The following ADGRG1 variants were observed in gnomAD, a reference collection of about 807,000 sequenced individuals.
ADGRG1 encodes adhesion G protein-coupled receptor G1.
In ADGRG1, 53 loss-of-function variants were observed where a neutral mutation model predicts 73.5. The ratio of observed to expected loss-of-function variants is 0.72; its 90% confidence interval spans 0.58 to 0.91. ADGRG1 has a LOEUF of 0.91. Among genes scored for constraint, ADGRG1 ranks in the 40% least tolerant of loss-of-function variants. The pLI is 0.00. For synonymous variants in ADGRG1, 394 were observed against 374.4 expected (o/e 1.05, Z -0.60); for missense variants, 795 against 871.8 (o/e 0.91, Z 1.11).
intron 1 of ADGRG1, chr16:57,643,602 G>C (rs3785325): frequency 0.43 from 425,132 of 983,512 alleles, 95,655 homozygotes; most frequent in African/African-American, 0.74. Context: ...AGAGTGTGAG[G>C]CTCACCCTGG....
At chr16:57,659,378 C>G in intron 10 of ADGRG1, 35 bp from the exon 11 acceptor site, 1 of 1,612,876 alleles carries the variant, frequency 6.2e-7, no homozygotes, top group Non-Finnish European at 8.5e-7. Flanking sequence ...CTCTACCTTC[C>G]CACACTGGCC....
At chr16:57,620,433 G>A (rs1426550813), upstream of ADGRG1, among the ~76,000 whole-genome samples, 1 of 152,212 alleles carries the variant, frequency 6.6e-6, no homozygotes, top group Non-Finnish European at 1.5e-5. Flanking sequence ...GACACTGCAG[G>A]ACGCAGGGCA....
At chr16:57,662,386 A>G (rs2047377573) in intron 13 of ADGRG1, among the ~76,000 whole-genome samples, 2 of 150,210 alleles carry the variant, frequency 1.3e-5, no homozygotes, top group South Asian at 4.2e-4. Context: ...GTGTGAAGAC[A>G]AGAGAAGGAT....
At chr16:57,635,680 C>T in intron 1 of ADGRG1, 1 of 985,126 alleles carries the variant, frequency 1.0e-6, no homozygotes, top group African/African-American at 1.7e-5. Context: ...CCCTGTGGCT[C>T]AGCCCCTCTG....
In ADGRG1 at chr16:57,661,752, CTGG is replaced by C; in HGVS notation, c.1723_1725del (p.Val575del). ...CATCACCAACCTGGGCCTCTTCAGC[CTGG>C]TGTTTCTGTTCAACATGGCCATGCT... On this transcript the variant is annotated inframe_deletion, in exon 13 of 14. Coordinates refer to ENST00000562631, the MANE Select transcript of ADGRG1 (RefSeq NM_201525.4). 6.2e-7 allele frequency: 1 copy of C among 1,614,218 alleles called. No individual in the cohort carries two copies. The highest frequency in any genetic ancestry group is 8.5e-7 in the Non-Finnish European group (1 of 1,180,018).
intron 1 of ADGRG1, chr16:57,648,579 C>A: frequency 5.1e-6 from 5 of 984,540 alleles, no homozygotes; most frequent in Non-Finnish European, 6.0e-6. Context: ...TGAGCTCCTG[C>A]CTGGGACACC....
chr16:57,620,943 G>C (rs553819601), exon 1 of ADGRG1: 2 of 152,316 alleles, frequency 1.3e-5, no homozygotes, highest in Admixed American at 1.3e-4. Flanking sequence ...TTCCCTGTCT[G>C]TTCCATGAAG....
At chr16:57,626,451 G>A, upstream of ADGRG1, 1 of 273,784 alleles carries the variant, frequency 3.7e-6, no homozygotes. Context: ...TGAGAACCAG[G>A]CTTGTCTCTC....
chr16:57,636,693 G>C (rs1376040), intron 1 of ADGRG1: 334,535 of 984,346 alleles, frequency 0.34, 57,165 homozygotes, highest in Middle Eastern at 0.4. Flanking sequence ...CCTGCCCTGG[G>C]TTAGAGTCCC....
intron 1 of ADGRG1, among the ~76,000 whole-genome samples, chr16:57,640,662 C>T (rs966176952): frequency 2.0e-5 from 3 of 152,186 alleles, no homozygotes; most frequent in African/African-American, 7.2e-5. Context: ...GGGGCCCAGG[C>T]ACAGTCAGGC....
Position 57,654,072 on chromosome 16 carries a change from C to T in ADGRG1, c.707C>T (p.Thr236Met), listed in dbSNP as rs764823064. ...TTCGAGGAGGACCGGATCAACGCCA[C>T]GGTGTGGAAGCTCCAGCCCACAGCC... is the stretch of plus-strand genomic sequence containing the variant. ...VSFEEDRINATVWKLQPTAGL... is the reference protein window; with the variant it reads ...VSFEEDRINAMVWKLQPTAGL... Residue 236 changes from threonine (T) to methionine (M), a missense_variant, in exon 5 of 14, where the codon ACG becomes ATG. By Grantham distance (81) the Thr-to-Met change is moderately conservative. Transcript: ENST00000562631. The T allele has an allele frequency of 2.5e-6, 4 of 1,613,950 alleles. No homozygotes were observed. Among genetic ancestry groups the T allele is most frequent in the Non-Finnish European group, 3.4e-6 (4 of 1,180,026 alleles).
intron 6 of ADGRG1, 93 bp downstream of exon 6, chr16:57,655,623 G>A: frequency 5.0e-6 from 8 of 1,597,524 alleles, no homozygotes; most frequent in South Asian, 3.3e-5. Flanking sequence ...CCTTCCTCTG[G>A]GAGTCAAAGC....
chr16:57,628,068 C>CT (rs1289283482), upstream of ADGRG1: 3 of 884,196 alleles, frequency 3.4e-6, no homozygotes, highest in Non-Finnish European at 2.5e-6. Flanking sequence ...GGGTCACCCC[C>CT]CGGGGGGACG....
intron 1 of ADGRG1, chr16:57,629,490 G>C (rs373768480): frequency 6.6e-6 from 1 of 152,374 alleles, no homozygotes; most frequent in African/African-American, 2.4e-5. Context: ...AGAAAGCCAG[G>C]GGCCAGGCTC....
intron 1 of ADGRG1, chr16:57,641,166 C>A: frequency 1.2e-6 from 1 of 801,990 alleles, no homozygotes; most frequent in Non-Finnish European, 1.5e-6. Context: ...GAGTTGCCCA[C>A]TTGACAGAGG....
Position 57,655,924 on chromosome 16 carries a change from G to GT in ADGRG1, c.950dup (p.Gln318ThrfsTer34). The GT allele has an allele frequency of 6.2e-7, 1 of 1,614,120 alleles. No individual in the cohort carries two copies. Among genetic ancestry groups the GT allele is most frequent in the Non-Finnish European group, 8.5e-7 (1 of 1,180,004 alleles). On this transcript the variant is annotated frameshift_variant, in exon 7 of 14. Coordinates refer to ENST00000562631, the MANE Select transcript of ADGRG1 (RefSeq NM_201525.4). LOFTEE classifies it high-confidence loss of function. ...GGGTGAGAAGGTCTTGGGGATTGTG[G>GT]TACAGAACACCAAAGTAGCCAACCT...
chr16:57,639,419 G>T (rs946193353), intron 1 of ADGRG1: 23 of 985,484 alleles, frequency 2.3e-5, no homozygotes, highest in Non-Finnish European at 2.7e-5. Context: ...TGTCACCTGC[G>T]CCCCTTCTCC....
chr16:57,652,135 G>A (rs1175404915), intron 3 of ADGRG1: 45 of 1,034,264 alleles, frequency 4.4e-5, no homozygotes, highest in Admixed American at 5.0e-5. Flanking sequence ...GTGGGGTAGG[G>A]GTGAGGGGCG....
intron 9 of ADGRG1, 124 bp from the exon 10 acceptor site, chr16:57,657,249 G>T: frequency 7.2e-7 from 1 of 1,388,386 alleles, no homozygotes; most frequent in Non-Finnish European, 1.0e-6. Context: ...CTGCTCAGTT[G>T]GGAGAGGGGG....
Sources: gnomAD v4.1 joint callset for allele counts (sites outside exome capture counted in the v4.1 genomes callset) on GRCh38, gnomAD v4.1.1 for gene constraint, MANE v1.5 for transcripts, NCBI Gene and HGNC (gene_info 2026-07-23, HGNC 2026-07-21) for gene names.